ARMC1: variants seen among roughly 807,000 people sequenced by gnomAD.
ARMC1 encodes armadillo repeat-containing protein 1.
A neutral mutation model predicts 31.4 loss-of-function variants in ARMC1; 16 were observed. The observed-to-expected ratio is 0.51, with a 90% CI of 0.34 to 0.77. The LOEUF (loss-of-function observed/expected upper bound fraction) is 0.77. Among genes scored for constraint, ARMC1 ranks in the 30% least tolerant of loss-of-function variants. The probability of loss-of-function intolerance (pLI) is 0.01; values close to 1 mark genes in which losing one functional copy is unlikely to be tolerated. For missense variants in ARMC1, 259 were observed against 347.5 expected, an observed-to-expected ratio of 0.75 and a Z score of 2.02; for synonymous variants, 114 against 118.9, an observed-to-expected ratio of 0.96 and a Z score of 0.27.
intron 3 of ARMC1, among the ~76,000 whole-genome samples, chr8:65,617,284 C>T (rs1305230044): frequency 6.6e-6 from 1 of 152,244 alleles, no homozygotes; most frequent in African/African-American, 2.4e-5. Context: ...AAGAAAAATT[C>T]TTCTGCCTTG....
chr8:65,617,248 T>C (rs1224780546), intron 3 of ARMC1, among the ~76,000 whole-genome samples: 1 of 152,202 alleles, frequency 6.6e-6, no homozygotes, highest in Non-Finnish European at 1.5e-5. Flanking sequence ...GAAGTAGACA[T>C]AGGAGACTCC....
intron 4 of ARMC1, among the ~76,000 whole-genome samples, chr8:65,609,369 G>A (rs1808073618): frequency 6.6e-6 from 1 of 151,980 alleles, no homozygotes; most frequent in Non-Finnish European, 1.5e-5. Context: ...TAAACACATG[G>A]TATTGGAGAT....
At chr8:65,632,661 G>C (rs947217040) in intron 1 of ARMC1, among the ~76,000 whole-genome samples, 1 of 151,792 alleles carries the variant, frequency 6.6e-6, no homozygotes, top group African/African-American at 2.4e-5. Context: ...AAGACGCCGG[G>C]CACAGTGGCT....
chr8:65,625,829 C>T (rs146880934), intron 2 of ARMC1, among the ~76,000 whole-genome samples: 161 of 151,776 alleles, frequency 1.1e-3, no homozygotes, highest in African/African-American at 3.6e-3. Flanking sequence ...GGAATCATCA[C>T]GAGTCCTTAA....
intron 1 of ARMC1, 50 bp from the exon 2 acceptor site, chr8:65,627,483 A>G (rs953653018): frequency 2.8e-6 from 3 of 1,069,866 alleles, no homozygotes; most frequent in Non-Finnish European, 3.8e-6. Flanking sequence ...GGTATATTAT[A>G]GCACTTGTGA....
intron 4 of ARMC1, among the ~76,000 whole-genome samples, chr8:65,612,450 T>A (rs1808162365): frequency 6.6e-6 from 1 of 151,500 alleles, no homozygotes. Flanking sequence ...AACAAGACCC[T>A]GTCCCTGAAA....
At position 65,602,487 on chromosome 8, in the gene ARMC1, CT is replaced by C. The variant is rs1441410866; in HGVS notation, c.*1906del. On this transcript the variant is annotated 3_prime_UTR_variant, in exon 7 of 7. Transcript: ENST00000276569. ...ATCCACTCGATTTTAATTATGTTAC[CT>C]TTTATTATTTTACAATGTATTTCAA... 1 of 152,032 alleles carries C rather than the reference CT, an allele frequency of 6.6e-6. No individual in the cohort carries two copies. The highest frequency in any genetic ancestry group is 1.5e-5 in the Non-Finnish European group (1 of 68,012). 9.4% of individuals were successfully genotyped at this position (152,032 alleles called of 1,614,324 possible).
At chr8:65,628,849 C>T (rs896543785) in intron 1 of ARMC1, among the ~76,000 whole-genome samples, 5 of 86,134 alleles carry the variant, frequency 5.8e-5, no homozygotes, top group Non-Finnish European at 9.6e-5. Context: ...TCAAAACAAG[C>T]AAACAAAAAA....
chr8:65,632,729 G>A (rs1041065601), intron 1 of ARMC1, among the ~76,000 whole-genome samples: 22 of 152,288 alleles, frequency 1.4e-4, no homozygotes, highest in African/African-American at 5.1e-4. Flanking sequence ...CAGGGGTTGA[G>A]GCAGGAGAAT....
rs1452815680 is a variant in ARMC1, at chr8:65,603,835, T to C, written c.*559A>G. Reference sequence around the variant, plus strand: ...ACTGTGTTCAAATGAATGTTTTTAATCTGCAAAATGTCATTAGTAATGTCC... The same window carrying C: ...ACTGTGTTCAAATGAATGTTTTTAACCTGCAAAATGTCATTAGTAATGTCC... On this transcript the variant is annotated 3_prime_UTR_variant, in exon 7 of 7. Coordinates refer to ENST00000276569, the MANE Select transcript of ARMC1 (RefSeq NM_018120.6). 1 of 152,686 alleles carries C rather than the reference T, an allele frequency of 6.5e-6. No individual in the cohort carries two copies. Among genetic ancestry groups the C allele is most frequent in the Non-Finnish European group, 1.5e-5 (1 of 68,068 alleles). 9.5% of individuals were successfully genotyped at this position (152,686 alleles called of 1,614,324 possible).
rs1486539240 is a variant in ARMC1 at position 65,605,326 on chromosome 8, T to C, written c.594A>G (p.Ser198=). Residue 198 remains serine (S), a synonymous_variant, in exon 6 of 7, where the codon TCA becomes TCG. Coordinates refer to ENST00000276569, the MANE Select transcript of ARMC1 (RefSeq NM_018120.6). ...TCATAACCTTGGTTGATGCTATTGCTGATGCCAAAGCCTAAGCCAAGATAA... is the reference window on the plus strand; with the variant it reads ...TCATAACCTTGGTTGATGCTATTGCCGATGCCAAAGCCTAAGCCAAGATAA... The part of the protein sequence containing the change: ...RSDLKAEALA[S]AIASTKVMKA... 6.2e-7 allele frequency: 1 copy of C among 1,613,978 alleles called. No homozygotes were observed. The highest frequency in any genetic ancestry group is 2.2e-5 in the East Asian group (1 of 44,860).
intron 4 of ARMC1, among the ~76,000 whole-genome samples, chr8:65,608,975 C>T (rs1808063521): frequency 6.6e-6 from 1 of 151,934 alleles, no homozygotes; most frequent in Non-Finnish European, 1.5e-5. Flanking sequence ...ATGAGAGAAT[C>T]GATGAAATAA....
intron 2 of ARMC1, among the ~76,000 whole-genome samples, chr8:65,623,325 T>A (rs1332138088): frequency 3.6e-3 from 75 of 20,792 alleles, no homozygotes; most frequent in African/African-American, 4.7e-3. Flanking sequence ...AAAAAAAAAA[T>A]GCTGGGCGCT....
At chr8:65,622,384 G>A (rs749500042) in intron 2 of ARMC1, 30 bp from the exon 3 acceptor site, 13 of 1,571,164 alleles carry the variant, frequency 8.3e-6, no homozygotes, top group South Asian at 4.5e-5. Context: ...AAGTTAATTC[G>A]TCTGTCCAGA....
At chr8:65,610,719 A>G (rs1178738919) in intron 4 of ARMC1, among the ~76,000 whole-genome samples, 4 of 151,958 alleles carry the variant, frequency 2.6e-5, no homozygotes, top group East Asian at 1.9e-4. Context: ...TTAAAAACCA[A>G]TGATTTCCAG....
chr8:65,617,483 G>A (rs1473010948), intron 3 of ARMC1, among the ~76,000 whole-genome samples: 12 of 152,082 alleles, frequency 7.9e-5, no homozygotes, highest in African/African-American at 1.9e-4. Context: ...CAAACACTGC[G>A]GAAGGCCGCA....
Position 65,622,328 on chromosome 8 carries a change from A to C in ARMC1, c.210T>G (p.Arg70=). The change falls in exon 3 of 7, where the codon CGT becomes CGG. Residue 70 remains arginine, a synonymous_variant. Transcript: ENST00000276569. ...LLALRYLAEC[R]ANREKMKGEL... ...CTCCTTTCATCTTTTCTCTGTTTGCACGGCATTCTGCCAAGTATCGAAGAG... is the reference window on the plus strand; with the variant it reads ...CTCCTTTCATCTTTTCTCTGTTTGCCCGGCATTCTGCCAAGTATCGAAGAG... 1.2e-6 allele frequency: 2 copies of C among 1,614,124 alleles called. No individual in the cohort carries two copies. The highest frequency in any genetic ancestry group is 8.5e-7 in the Non-Finnish European group (1 of 1,179,974).
In ARMC1 at chr8:65,616,827, G is replaced by C. The variant is rs1411214209; in HGVS notation, c.276-3394C>G. Among the ~76,000 whole-genome samples, 3 of 146,604 alleles carry C rather than the reference G, an allele frequency of 2.0e-5. No individual in the cohort carries two copies. The East Asian group carries it at 6.4e-4, about 31-fold the overall frequency. ...AGGAGCGTCTCTGCCCGGCCGCCCTGTCTGAGAAGTGAGGAGCCCCTCCAC... is the reference window on the plus strand; with the variant it reads ...AGGAGCGTCTCTGCCCGGCCGCCCTCTCTGAGAAGTGAGGAGCCCCTCCAC... On this transcript the variant is annotated intron_variant, in intron 3 of 6. Transcript: ENST00000276569.
In ARMC1 at chr8:65,627,406, G is replaced by A; in HGVS notation, c.-8C>T. 1 of 1,552,890 alleles carries A rather than the reference G, an allele frequency of 6.4e-7. No homozygotes were observed. Among genetic ancestry groups the A allele is most frequent in the African/African-American group, 1.4e-5 (1 of 72,748 alleles). ...GGAAGTGGAAGAATTCATCTTCTAT[G>A]CCATGCACATGAATAAAATCTTAAA... On this transcript the variant is annotated 5_prime_UTR_variant, in exon 2 of 7. Transcript: ENST00000276569.
Sources: allele counts gnomAD v4.1 joint callset (sites outside exome capture counted in the v4.1 genomes callset), GRCh38; gene constraint gnomAD v4.1.1; transcripts MANE v1.5; gene names NCBI Gene and HGNC (gene_info 2026-07-23, HGNC 2026-07-21).